The following ZIM3 variants were observed in gnomAD, a reference collection of about 807,000 sequenced individuals.
The protein encoded by ZIM3 is zinc finger protein 657.
ZIM3 carries 11 observed loss-of-function variants against 12.9 expected under a neutral mutation model. The observed-to-expected ratio is 0.85, with a 90% CI of 0.54 to 1.41. The LOEUF (loss-of-function observed/expected upper bound fraction) is 1.41. ZIM3 is among the 40% of genes most tolerant of loss of function. The probability of loss-of-function intolerance (pLI) is 0.00; values close to 1 mark genes in which losing one functional copy is unlikely to be tolerated. For missense variants in ZIM3, 604 were observed against 557.2 expected (o/e 1.08, Z -0.85); for synonymous variants, 205 against 198.5 (o/e 1.03, Z -0.28).
At chr19:57,138,034 A>AGAAGGAAG (rs1305153551) in intron 3 of ZIM3, among the ~76,000 whole-genome samples, 2 of 21,790 alleles carry the variant, frequency 9.2e-5, no homozygotes, top group African/African-American at 4.9e-4. Context: ...AAGGAAGGAA[A>AGAAGGAAG]GAAGGAAGGA....
intron 3 of ZIM3, 110 bp downstream of exon 3, chr19:57,138,362 T>C: frequency 6.7e-7 from 1 of 1,496,298 alleles, no homozygotes; most frequent in Non-Finnish European, 9.3e-7. Flanking sequence ...TACAAAAACA[T>C]ATGCGAAGTG....
rs1362228602 is a variant in ZIM3, at chr19:57,134,864, G to A, written c.*54C>T. Reference sequence around the variant, plus strand: ...GGCCATTTCAACATGGAATTCTGGGGTGACAATTCCAGGCAACCATATCTT... The same window carrying A: ...GGCCATTTCAACATGGAATTCTGGGATGACAATTCCAGGCAACCATATCTT... On this transcript the variant is annotated 3_prime_UTR_variant, in exon 5 of 5. Transcript: ENST00000269834. The A allele has an allele frequency of 3.9e-6, 6 of 1,520,450 alleles. No homozygotes were observed. The South Asian group carries it at 6.5e-5, about 17-fold the overall frequency. The allele number at this position is 1,520,450 out of a possible 1,614,324, so 94.2% of individuals were successfully genotyped here. A position where few individuals can be genotyped will look rare whatever the true frequency, so the allele number is the denominator to read the frequency against.
intron 4 of ZIM3, among the ~76,000 whole-genome samples, 178 bp downstream of exon 4, chr19:57,136,695 C>G (rs2086888813): frequency 6.7e-6 from 1 of 149,328 alleles, no homozygotes; most frequent in South Asian, 2.1e-4. Context: ...AAAGAGTTTG[C>G]CTGCAAAGGA....
At chr19:57,138,654 G>T (rs983502035) in intron 2 of ZIM3, 56 bp from the exon 3 acceptor site, 1 of 1,591,328 alleles carries the variant, frequency 6.3e-7, no homozygotes, top group East Asian at 2.2e-5. Flanking sequence ...TGCGGCTGAG[G>T]ATACAGAAAC....
At chr19:57,138,234 G>T (rs2086898629) in intron 3 of ZIM3, among the ~76,000 whole-genome samples, 1 of 152,160 alleles carries the variant, frequency 6.6e-6, no homozygotes, top group East Asian at 1.9e-4. Flanking sequence ...AGGGCACCCA[G>T]CCCACAAAAC....
At chr19:57,144,489 T>C (rs1287792131) in intron 1 of ZIM3, among the ~76,000 whole-genome samples, 2 of 152,192 alleles carry the variant, frequency 1.3e-5, no homozygotes, top group East Asian at 1.9e-4. Context: ...AAATTGTAAA[T>C]GCTTTCACCA....
Position 57,135,083 on chromosome 19 carries a change from G to C in ZIM3, c.1254C>G (p.Thr418=). Residue 418 remains threonine (T), a synonymous_variant, in exon 5 of 5, where the codon ACC becomes ACG. Coordinates refer to ENST00000269834, the MANE Select transcript of ZIM3 (RefSeq NM_052882.1). The stretch of plus-strand genomic sequence containing the variant: ...TTTTTCCACATTCACTACATCTATA[G>C]GTCCTCTCTCCGCTATGAGTTTTCT... ...SHQKTHSGER[T]YRCSECGKTF... 6.2e-7 allele frequency: 1 copy of C among 1,614,098 alleles called. No homozygotes were observed. The highest frequency in any genetic ancestry group is 8.5e-7 in the Non-Finnish European group (1 of 1,180,024).
Position 57,134,156 on chromosome 19 carries a change from A to AG in ZIM3, c.*761dup, listed in dbSNP as rs2086874082. 1 of 152,368 alleles carries AG rather than the reference A, an allele frequency of 6.6e-6. No homozygotes were observed. The highest frequency in any genetic ancestry group is 1.9e-4 in the East Asian group (1 of 5,178). The allele number at this position is 152,368 out of a possible 1,614,324, so 9.4% of individuals were successfully genotyped here. On this transcript the variant is annotated 3_prime_UTR_variant, in exon 5 of 5. Coordinates refer to ENST00000269834, the MANE Select transcript of ZIM3 (RefSeq NM_052882.1). ...GAAATGCCAAGATACCTTCATGCTC[A>AG]GGAGAGAAAGCTGTACTTCCTGGAT...
chr19:57,135,102 G>C lies in ZIM3; in HGVS notation c.1235C>G (p.Thr412Ser). 1 of 1,614,148 alleles carries C rather than the reference G, an allele frequency of 6.2e-7. No individual in the cohort carries two copies. Among genetic ancestry groups the C allele is most frequent in the Non-Finnish European group, 8.5e-7 (1 of 1,180,034 alleles). ...TCTATAGGTCCTCTCTCCGCTATGA[G>C]TTTTCTGATGGCTATGAAGGTTTGA... is the stretch of plus-strand genomic sequence containing the variant. ...QKSNLHSHQK[T>S]HSGERTYRCS... is the part of the protein sequence containing the mutation. The change falls in exon 5 of 5, where the codon ACT becomes AGT. Residue 412 changes from threonine (T) to serine (S), a missense_variant. Physicochemically the swap from Thr to Ser is moderately conservative, Grantham distance 58. Coordinates refer to ENST00000269834, the MANE Select transcript of ZIM3 (RefSeq NM_052882.1).
At chr19:57,140,054 C>T (rs1397974346) in intron 2 of ZIM3, among the ~76,000 whole-genome samples, 1 of 152,212 alleles carries the variant, frequency 6.6e-6, no homozygotes, top group Non-Finnish European at 1.5e-5. Flanking sequence ...AAGCGAATTC[C>T]TTTGTCAGAA....
intron 3 of ZIM3, among the ~76,000 whole-genome samples, chr19:57,137,442 G>A (rs746877225): frequency 1.3e-5 from 2 of 152,070 alleles, no homozygotes. Flanking sequence ...GCCAGGCGTG[G>A]TGGTTCATGC....
At position 57,138,619 on chromosome 19, in the gene ZIM3, T is replaced by C. The variant is rs372016554; in HGVS notation, c.16-21A>G. On this transcript the variant is annotated intron_variant, in intron 2 of 4. Transcript: ENST00000269834. ...CTTCCCTGTAACAACAGATTCCCGA[T>C]CAGTATAAAAATGCCATTGAATCCT... 7.4e-6 allele frequency: 12 copies of C among 1,613,456 alleles called. No homozygotes were observed. The African/African-American group carries it at 1.1e-4, about 14-fold the overall frequency.
intron 4 of ZIM3, 31 bp downstream of exon 4, chr19:57,136,842 A>G (rs1160047455): frequency 1.3e-6 from 2 of 1,596,502 alleles, no homozygotes; most frequent in Admixed American, 1.7e-5. Context: ...TCCATGCACC[A>G]TTGACCCACA....
Position 57,135,940 on chromosome 19 carries a change from C to T in ZIM3, c.397G>A (p.Asp133Asn). ...ACATAGTGTTGCAAGGAAGATACATCATCTATGCCCAGTGGAAGTATTTTC... is the reference window on the plus strand; with the variant it reads ...ACATAGTGTTGCAAGGAAGATACATTATCTATGCCCAGTGGAAGTATTTTC... ...SKKILPLGIDDVSSLQHYVQN... is the reference protein window; with the variant it reads ...SKKILPLGIDNVSSLQHYVQN... Residue 133 changes from aspartate (D) to asparagine (N), a missense_variant, in exon 5 of 5, where the codon GAT becomes AAT. Coordinates refer to ENST00000269834, the MANE Select transcript of ZIM3 (RefSeq NM_052882.1). 6.2e-7 allele frequency: 1 copy of T among 1,614,162 alleles called. No individual in the cohort carries two copies. The highest frequency in any genetic ancestry group is 8.5e-7 in the Non-Finnish European group (1 of 1,180,040).
intron 1 of ZIM3, among the ~76,000 whole-genome samples, chr19:57,144,626 G>A (rs539765183): frequency 6.6e-6 from 1 of 152,108 alleles, no homozygotes; most frequent in South Asian, 2.1e-4. Flanking sequence ...AAGTAGCTGT[G>A]GGCCAGCAGT....
intron 2 of ZIM3, among the ~76,000 whole-genome samples, chr19:57,142,299 A>T (rs941466243): frequency 4.6e-5 from 7 of 151,876 alleles, no homozygotes; most frequent in Non-Finnish European, 1.5e-5. Flanking sequence ...GTACGCCACC[A>T]CCACCACACC....
At chr19:57,138,451 T>C (rs2086899681) in intron 3 of ZIM3, 21 bp downstream of exon 3, 1 of 1,614,044 alleles carries the variant, frequency 6.2e-7, no homozygotes, top group Non-Finnish European at 8.5e-7. Flanking sequence ...TGAGTCCCCC[T>C]GCCCGGGAAG....
rs200799002 is a variant in ZIM3, at chr19:57,138,591, A to T, written c.23T>A (p.Val8Glu). MNNSQGR[V>E]TFEDVTVNFT... The stretch of plus-strand genomic sequence containing the variant: ...GTTCACAGTGACATCCTCGAAGGTC[A>T]CTCTTCCCTGTAACAACAGATTCCC... The change falls in exon 3 of 5, where the codon GTG becomes GAG. Residue 8 changes from valine (V) to glutamate (E), a missense_variant. Val to Glu is a moderately radical substitution (Grantham distance 121). Coordinates refer to ENST00000269834, the MANE Select transcript of ZIM3 (RefSeq NM_052882.1). The T allele has an allele frequency of 9.9e-6, 16 of 1,614,100 alleles. No homozygotes were observed. In the East Asian group the frequency reaches 3.3e-4, roughly 34 times the overall value.
Position 57,136,916 on chromosome 19 carries a change from C to A in ZIM3, c.198G>T (p.Glu66Asp). ...DVILRLEQGKEPWLEEEEVLG... is the reference protein window; with the variant it reads ...DVILRLEQGKDPWLEEEEVLG... ...GCACTTCCTCTTCCTCCAACCATGG[C>A]TCCTTTCCTTGTTCCAACCTCAAGA... Residue 66 changes from glutamate to aspartate, a missense_variant, in exon 4 of 5, where the codon GAG (glutamate) becomes GAT (aspartate). Glu to Asp is a conservative substitution (Grantham distance 45). Transcript: ENST00000269834. 2 of 1,614,176 alleles carry A rather than the reference C, an allele frequency of 1.2e-6. No individual in the cohort carries two copies. The highest frequency in any genetic ancestry group is 1.7e-6 in the Non-Finnish European group (2 of 1,180,028).
Sources: allele counts gnomAD v4.1 joint callset (sites outside exome capture counted in the v4.1 genomes callset), GRCh38; gene constraint gnomAD v4.1.1; transcripts MANE v1.5; gene names NCBI Gene and HGNC (gene_info 2026-07-23, HGNC 2026-07-21).